Variants in GALNT12 observed in about 807,000 individuals in gnomAD.
The protein encoded by GALNT12 is polypeptide N-acetylgalactosaminyltransferase 12.
Under a neutral mutation model 55.5 loss-of-function variants are expected in GALNT12, and 45 were observed. The ratio of observed to expected loss-of-function variants is 0.81; its 90% confidence interval spans 0.64 to 1.04. The LOEUF is 1.04. Among genes scored for constraint, GALNT12 ranks in the 50% least tolerant of loss-of-function variants. The pLI is 0.00. For missense variants in GALNT12, 709 were observed against 754.8 expected (o/e 0.94, Z 0.71); for synonymous variants, 304 against 312.2 (o/e 0.97, Z 0.28).
chr9:98,832,011 G>A, intron 4 of GALNT12, 54 bp downstream of exon 4: 1 of 1,511,754 alleles, frequency 6.6e-7, no homozygotes, highest in Non-Finnish European at 9.1e-7. Flanking sequence ...CATTGAATCT[G>A]GCTGACCTGT....
intron 6 of GALNT12, among the ~76,000 whole-genome samples, chr9:98,839,040 C>T (rs960429107): frequency 6.6e-6 from 1 of 152,140 alleles, no homozygotes; most frequent in Non-Finnish European, 1.5e-5. Flanking sequence ...TTGCTTCTGC[C>T]TCCTCCGTCT....
chr9:98,835,897 G>A (rs1052595209), intron 5 of GALNT12, among the ~76,000 whole-genome samples: 1 of 152,088 alleles, frequency 6.6e-6, no homozygotes, highest in Non-Finnish European at 1.5e-5. Context: ...CATCATGCCC[G>A]GCTAATTTTT....
chr9:98,814,341 C>G (rs1835565993), intron 1 of GALNT12, among the ~76,000 whole-genome samples: 2 of 152,062 alleles, frequency 1.3e-5, no homozygotes, highest in African/African-American at 4.8e-5. Context: ...ATCTCCTTGG[C>G]CTTTTCTACA....
intron 7 of GALNT12, among the ~76,000 whole-genome samples, chr9:98,843,365 C>T (rs1306048930): frequency 6.6e-6 from 1 of 151,850 alleles, no homozygotes; most frequent in Non-Finnish European, 1.5e-5. Context: ...GTGGTATTTT[C>T]AAACATACCA....
At chr9:98,834,551 G>A (rs1383956560) in intron 4 of GALNT12, among the ~76,000 whole-genome samples, 1 of 152,250 alleles carries the variant, frequency 6.6e-6, no homozygotes, top group Non-Finnish European at 1.5e-5. Flanking sequence ...TAAACCTGGT[G>A]GTGGGTGGCG....
At chr9:98,813,501 A>AT (rs71369577) in intron 1 of GALNT12, among the ~76,000 whole-genome samples, 6 of 148,546 alleles carry the variant, frequency 4.0e-5, no homozygotes, top group Non-Finnish European at 7.5e-5. Flanking sequence ...CATTTAAAAA[A>AT]TTTTTTTTTT....
chr9:98,819,276 C>T (rs1835683093), intron 1 of GALNT12, among the ~76,000 whole-genome samples: 1 of 152,160 alleles, frequency 6.6e-6, no homozygotes. Context: ...GAATGTGGAC[C>T]AGGCTCCCTT....
chr9:98,845,375 C>A (rs1217219127), intron 8 of GALNT12, among the ~76,000 whole-genome samples: 1 of 152,108 alleles, frequency 6.6e-6, no homozygotes, highest in Non-Finnish European at 1.5e-5. Flanking sequence ...TAGGCCCCAC[C>A]TCACACATAA....
intron 1 of GALNT12, among the ~76,000 whole-genome samples, chr9:98,820,200 G>T (rs1021766649): frequency 1.3e-5 from 2 of 152,060 alleles, no homozygotes; most frequent in African/African-American, 4.8e-5. Flanking sequence ...CATCACCTAG[G>T]TATTAAGCCC....
At chr9:98,827,349 C>T (rs1250823127) in intron 3 of GALNT12, among the ~76,000 whole-genome samples, 2 of 151,996 alleles carry the variant, frequency 1.3e-5, no homozygotes, top group Admixed American at 6.6e-5. Flanking sequence ...TACAGGCATG[C>T]ACCACCACAC....
rs1179298414 is a variant in GALNT12, at chr9:98,807,891, A to T, written c.193A>T (p.Met65Leu). ...TPRPGRREPVMPRPPVPANAL... is the reference protein window; with the variant it reads ...TPRPGRREPVLPRPPVPANAL... ...GCGCCCCGGGCGGCGCGAGCCGGTCATGCCGCGGCCGCCGGTGCCGGCGAA... is the reference window on the plus strand; with the variant it reads ...GCGCCCCGGGCGGCGCGAGCCGGTCTTGCCGCGGCCGCCGGTGCCGGCGAA... The change falls in exon 1 of 10, where the codon ATG becomes TTG. Residue 65 changes from methionine (M) to leucine (L), a missense_variant. By Grantham distance (15) the Met-to-Leu change is conservative (BLOSUM62 2). Transcript: ENST00000375011. The T allele has an allele frequency of 1.8e-6, 2 of 1,133,936 alleles. No homozygotes were observed. The highest frequency in any genetic ancestry group is 2.2e-6 in the Non-Finnish European group (2 of 925,920). The allele number at this position is 1,133,936 out of a possible 1,614,324, so 70.2% of individuals were successfully genotyped here.
Position 98,846,856 on chromosome 9 carries a change from C to CAAAAAA in GALNT12, c.1605+747_1605+752dup, listed in dbSNP as rs757918355. ...TGGGAGACAGAGCGAGACTCCGTCTCAAAAAAAAAAAAAAAAAAAGGTGCA... is the reference window on the plus strand; with the variant it reads ...TGGGAGACAGAGCGAGACTCCGTCTCAAAAAAAAAAAAAAAAAAAAAAAAAGGTGCA... On this transcript the variant is annotated intron_variant, in intron 9 of 9. Coordinates refer to ENST00000375011, the MANE Select transcript of GALNT12 (RefSeq NM_024642.5). Among the ~76,000 whole-genome samples, 2 of 109,266 alleles carry CAAAAAA rather than the reference C, an allele frequency of 1.8e-5. 1 individual carries two copies. Among genetic ancestry groups the CAAAAAA allele is most frequent in the African/African-American group, 7.2e-5 (2 of 27,680 alleles). The allele number at this position is 109,266 out of a possible 152,430, so 71.7% of individuals were successfully genotyped here.
intron 1 of GALNT12, among the ~76,000 whole-genome samples, chr9:98,817,332 T>C (rs923740709): frequency 2.6e-5 from 4 of 152,234 alleles, no homozygotes; most frequent in African/African-American, 9.6e-5. Flanking sequence ...TTTCTATGCA[T>C]CTTGTCTAGT....
At chr9:98,835,219 C>G (rs751775596) in intron 4 of GALNT12, 30 bp from the exon 5 acceptor site, 3 of 1,432,746 alleles carry the variant, frequency 2.1e-6, no homozygotes, top group Non-Finnish European at 3.0e-6. Context: ...CTGCTGTCTA[C>G]AGTGAAATAA....
rs955640466 is a variant in GALNT12, at chr9:98,846,270, C to T, written c.1605+147C>T. 57 of 1,061,902 alleles carry T rather than the reference C, an allele frequency of 5.4e-5. 1 individual carries two copies. In the Admixed American group the frequency reaches 9.8e-4, roughly 18 times the overall value. 65.8% of individuals were successfully genotyped at this position (1,061,902 alleles called of 1,614,324 possible). A position where few individuals can be genotyped will look rare whatever the true frequency, so the allele number is the denominator to read the frequency against. ...AGGAGCTCTGGAAGACCTGGAACCT[C>T]AGTCCCAGTGAGCCTGGGGGGCGGT... On this transcript the variant is annotated intron_variant, in intron 9 of 9. Coordinates refer to ENST00000375011, the MANE Select transcript of GALNT12 (RefSeq NM_024642.5).
intron 6 of GALNT12, among the ~76,000 whole-genome samples, chr9:98,838,232 C>T (rs895073763): frequency 1.3e-5 from 2 of 152,210 alleles, no homozygotes; most frequent in Admixed American, 6.5e-5. Context: ...GGAAGGACTA[C>T]TGGAGAGTGG....
chr9:98,846,690 T>G (rs992386539), intron 9 of GALNT12, among the ~76,000 whole-genome samples: 6 of 93,416 alleles, frequency 6.4e-5, no homozygotes, highest in Non-Finnish European at 1.1e-4. Context: ...CAAAACCCCA[T>G]CTCTACTTAA....
chr9:98,809,652 C>A (rs570517885), intron 1 of GALNT12, among the ~76,000 whole-genome samples: 32 of 152,296 alleles, frequency 2.1e-4, no homozygotes, highest in African/African-American at 7.5e-4. Flanking sequence ...AGCATCAATA[C>A]CTGGGAGCAC....
At chr9:98,823,068 G>A (rs1835780252) in intron 1 of GALNT12, among the ~76,000 whole-genome samples, 188 bp from the exon 2 acceptor site, 2 of 152,168 alleles carry the variant, frequency 1.3e-5, no homozygotes, top group Admixed American at 1.3e-4. Flanking sequence ...AGCTAGGTGG[G>A]TGCCATGGTT....
Sources: gnomAD v4.1 joint callset for allele counts (sites outside exome capture counted in the v4.1 genomes callset) on GRCh38, gnomAD v4.1.1 for gene constraint, MANE v1.5 for transcripts, NCBI Gene and HGNC (gene_info 2026-07-23, HGNC 2026-07-21) for gene names.